Variants in MAPRE2 observed in about 807,000 individuals in gnomAD.
MAPRE2 encodes microtubule associated protein RP/EB family member 2.
A neutral mutation model predicts 43.2 loss-of-function variants in MAPRE2; 13 were observed. The observed-to-expected ratio is 0.30, with a 90% confidence interval of 0.20 to 0.48. The LOEUF is 0.48. Among genes scored for constraint, MAPRE2 ranks in the 20% least tolerant of loss-of-function variants. MAPRE2 has a pLI of 0.99. For synonymous variants in MAPRE2, 135 were observed against 148.8 expected, an observed-to-expected ratio of 0.91 and a Z score of 0.68; for missense variants, 161 against 400.2, an observed-to-expected ratio of 0.40 and a Z score of 5.10.
chr18:35,007,753 C>T (rs529337681), intron 2 of MAPRE2, among the ~76,000 whole-genome samples: 147 of 152,336 alleles, frequency 9.6e-4, no homozygotes, highest in African/African-American at 3.4e-3. Flanking sequence ...TTATTTAACC[C>T]TTTCAGGAAC....
chr18:35,083,722 G>T (rs1907746463), intron 2 of MAPRE2, among the ~76,000 whole-genome samples: 1 of 152,134 alleles, frequency 6.6e-6, no homozygotes, highest in African/African-American at 2.4e-5. Flanking sequence ...TAGAATCTAG[G>T]CATGAAACTG....
chr18:35,085,115 A>ATT (rs1907810575), intron 2 of MAPRE2, among the ~76,000 whole-genome samples: 1 of 152,218 alleles, frequency 6.6e-6, no homozygotes, highest in African/African-American at 2.4e-5. Context: ...AAATGTTAAT[A>ATT]TTTCAAAGCA....
intron 1 of MAPRE2, among the ~76,000 whole-genome samples, chr18:35,051,535 A>G (rs1468293449): frequency 6.6e-6 from 1 of 152,012 alleles, no homozygotes; most frequent in Admixed American, 6.6e-5. Context: ...TGCTACCTCT[A>G]CTCCAGTTCA....
intron 2 of MAPRE2, among the ~76,000 whole-genome samples, chr18:35,086,341 A>T (rs1448680356): frequency 6.6e-6 from 1 of 151,926 alleles, no homozygotes; most frequent in Non-Finnish European, 1.5e-5. Context: ...ATATATAGAG[A>T]TGATGTTTAT....
upstream of MAPRE2, among the ~76,000 whole-genome samples, chr18:35,037,587 C>A (rs1034467658): frequency 6.6e-6 from 1 of 152,160 alleles, no homozygotes; most frequent in Non-Finnish European, 1.5e-5. Flanking sequence ...CCAGCACATG[C>A]TTTATTTTAG....
At chr18:35,133,258 T>C (rs1051763168) in intron 6 of MAPRE2, among the ~76,000 whole-genome samples, 6 of 151,478 alleles carry the variant, frequency 4.0e-5, no homozygotes, top group African/African-American at 1.2e-4. Context: ...CTTTATCACT[T>C]TTTTTTTTCA....
At chr18:34,995,334 T>C (rs1038488051) in intron 1 of MAPRE2, among the ~76,000 whole-genome samples, 1 of 152,196 alleles carries the variant, frequency 6.6e-6, no homozygotes, top group African/African-American at 2.4e-5. Context: ...CCAAGCATCT[T>C]CCTATCTCTC....
chr18:35,124,635 G>A (rs1161626323), intron 4 of MAPRE2, among the ~76,000 whole-genome samples: 3 of 152,206 alleles, frequency 2.0e-5, no homozygotes, highest in African/African-American at 7.2e-5. Context: ...ATGTGTGTAA[G>A]GGGTGTTGAT....
upstream of MAPRE2, among the ~76,000 whole-genome samples, chr18:35,040,565 C>T (rs1030695879): frequency 9.2e-5 from 14 of 152,226 alleles, no homozygotes; most frequent in Middle Eastern, 3.4e-3. Context: ...TATTTGAAAG[C>T]GGTATTGCAA....
intron 1 of MAPRE2, among the ~76,000 whole-genome samples, chr18:35,051,909 G>T (rs502989): frequency 0.63 from 95,972 of 152,004 alleles, 30,283 homozygotes; most frequent in South Asian, 0.7. Flanking sequence ...TAGTATTATT[G>T]CTTGCAGCTT....
At chr18:35,055,631 C>T in intron 1 of MAPRE2, among the ~76,000 whole-genome samples, 1 of 151,624 alleles carries the variant, frequency 6.6e-6, no homozygotes, top group East Asian at 1.9e-4. Flanking sequence ...AACACATACA[C>T]ACAGGTACCC....
At chr18:34,991,710 A>T (rs962266784) in intron 1 of MAPRE2, among the ~76,000 whole-genome samples, 1 of 152,132 alleles carries the variant, frequency 6.6e-6, no homozygotes, top group Non-Finnish European at 1.5e-5. Flanking sequence ...TGATGATGCT[A>T]TTCATGGTAA....
At chr18:35,119,485 G>C (rs577420185) in intron 4 of MAPRE2, among the ~76,000 whole-genome samples, 83 of 152,306 alleles carry the variant, frequency 5.4e-4, no homozygotes, top group Non-Finnish European at 1.0e-3. Context: ...ACAAGGACAA[G>C]CATCTTGTGC....
chr18:35,079,976 A>G (rs183395566), intron 2 of MAPRE2, among the ~76,000 whole-genome samples: 1 of 152,344 alleles, frequency 6.6e-6, no homozygotes, highest in East Asian at 1.9e-4. Context: ...GGACAGTAAT[A>G]CTTCAAGTAA....
At chr18:35,113,531 A>T (rs1021636115) in intron 4 of MAPRE2, among the ~76,000 whole-genome samples, 2 of 152,234 alleles carry the variant, frequency 1.3e-5, no homozygotes, top group African/African-American at 4.8e-5. Context: ...TGATACTATT[A>T]CTTTGCAACT....
intron 1 of MAPRE2, among the ~76,000 whole-genome samples, chr18:34,995,388 G>A (rs957314085): frequency 1.3e-5 from 2 of 152,160 alleles, no homozygotes; most frequent in African/African-American, 2.4e-5. Flanking sequence ...TGATCCAATT[G>A]CCTACACAAG....
chr18:35,140,221 G>T, intron 6 of MAPRE2, 74 bp from the exon 7 acceptor site: 1 of 1,333,934 alleles, frequency 7.5e-7, no homozygotes, highest in Middle Eastern at 2.0e-4. Context: ...TGCTGGCAGT[G>T]GCAATGGGCT....
At chr18:35,113,062 C>T (rs554249499) in intron 4 of MAPRE2, among the ~76,000 whole-genome samples, 3 of 152,294 alleles carry the variant, frequency 2.0e-5, no homozygotes, top group Middle Eastern at 6.8e-3. Flanking sequence ...CCCAAAGGCC[C>T]CACCTCTTAA....
At chr18:35,134,209 G>A (rs1001524129) in intron 6 of MAPRE2, among the ~76,000 whole-genome samples, 2 of 152,174 alleles carry the variant, frequency 1.3e-5, no homozygotes, top group African/African-American at 4.8e-5. Flanking sequence ...GCAGCAGAGA[G>A]GTTGAATAAC....
Sources: allele counts gnomAD v4.1 joint callset (sites outside exome capture counted in the v4.1 genomes callset), GRCh38; gene constraint gnomAD v4.1.1; transcripts MANE v1.5; gene names NCBI Gene and HGNC (gene_info 2026-07-23, HGNC 2026-07-21).